The following TNIK variants were observed in gnomAD, a reference collection of about 807,000 sequenced individuals.
TNIK encodes TRAF2 and NCK-interacting protein kinase.
Under a neutral mutation model 191.3 loss-of-function variants are expected in TNIK, and 49 were observed. The observed-to-expected ratio is 0.26, with a 90% confidence interval of 0.20 to 0.32. TNIK has a LOEUF of 0.32. Among genes scored for constraint, TNIK ranks in the 10% least tolerant of loss-of-function variants. TNIK has a pLI of 1.00. For missense variants in TNIK, 1,155 were observed against 1,702.3 expected (o/e 0.68, Z 5.66); for synonymous variants, 594 against 600.9 (o/e 0.99, Z 0.17).
rs1722197532 is a variant in TNIK, at chr3:171,092,443, T to G, written c.2721+1396A>C. ...GAAATCGGAGTCCTTTTATCTGGAG[T>G]CAAACAGCAACTCACTCCAGAACGT... On this transcript the variant is annotated intron_variant, in intron 23 of 32. Coordinates refer to ENST00000436636, the MANE Select transcript of TNIK (RefSeq NM_015028.4). Among the ~76,000 whole-genome samples, 4 of 152,050 alleles carry G rather than the reference T, an allele frequency of 2.6e-5. No homozygotes were observed. In the South Asian group the frequency reaches 6.2e-4, roughly 24 times the overall value.
chr3:171,290,221 C>G (rs1751531838), intron 2 of TNIK, among the ~76,000 whole-genome samples: 1 of 152,136 alleles, frequency 6.6e-6, no homozygotes, highest in Admixed American at 6.5e-5. Context: ...TCAAAAATAC[C>G]TATGGTTGAA....
intron 2 of TNIK, among the ~76,000 whole-genome samples, chr3:171,299,113 G>A (rs1752624735): frequency 6.6e-6 from 1 of 152,140 alleles, no homozygotes; most frequent in South Asian, 2.1e-4. Context: ...AGATTTTGTG[G>A]GAGACTGCAC....
intron 9 of TNIK, among the ~76,000 whole-genome samples, chr3:171,172,079 A>G (rs1023978817): frequency 6.6e-6 from 1 of 152,198 alleles, no homozygotes; most frequent in African/African-American, 2.4e-5. Context: ...CTCCACGATG[A>G]CAGTGGAAAG....
At chr3:171,081,070 G>C (rs1560081638) in intron 27 of TNIK, among the ~76,000 whole-genome samples, 1 of 152,184 alleles carries the variant, frequency 6.6e-6, no homozygotes, top group Non-Finnish European at 1.5e-5. Context: ...TGAATTTTCT[G>C]GTTGCATTCC....
chr3:171,106,584 G>A, intron 21 of TNIK: 1 of 478,724 alleles, frequency 2.1e-6, no homozygotes, highest in South Asian at 1.6e-5. Flanking sequence ...TAGCAGTAAG[G>A]CAGTCATCCT....
At chr3:171,314,581 G>A (rs1754395261) in intron 2 of TNIK, among the ~76,000 whole-genome samples, 1 of 152,170 alleles carries the variant, frequency 6.6e-6, no homozygotes, top group South Asian at 2.1e-4. Context: ...GCCTAAGTCA[G>A]TTCTAGTAAT....
At chr3:171,231,951 A>G (rs1053872335) in intron 2 of TNIK, among the ~76,000 whole-genome samples, 2 of 152,198 alleles carry the variant, frequency 1.3e-5, no homozygotes, top group African/African-American at 4.8e-5. Flanking sequence ...TTTTAAAATA[A>G]TTTTTAAAAC....
chr3:171,087,483 A>G lies in TNIK; in HGVS notation c.2745T>C (p.Ser915=). The change falls in exon 24 of 33, where the codon TCT becomes TCC. Residue 915 remains serine, a synonymous_variant. Transcript: ENST00000436636. The part of the protein sequence containing the change: ...IRETSGEKKR[S]GHSDSNGFAG... ...CAAAGCCATTGCTGTCACTGTGGCC[A>G]GATCGCTTCTTCTCTCCAGACGTCT... 1 of 1,613,872 alleles carries G rather than the reference A, an allele frequency of 6.2e-7. No individual in the cohort carries two copies. The highest frequency in any genetic ancestry group is 1.1e-5 in the South Asian group (1 of 91,084).
chr3:171,361,001 A>T lies in TNIK; in HGVS notation c.123+8619T>A, dbSNP rs897852840. On this transcript the variant is annotated intron_variant, in intron 2 of 32. Coordinates refer to ENST00000436636, the MANE Select transcript of TNIK (RefSeq NM_015028.4). Reference sequence around the variant, plus strand: ...AATGCCAGGCAGTTGTTAGATACTTATGAAGGCTGACACTGAATAAATAAA... The same window carrying T: ...AATGCCAGGCAGTTGTTAGATACTTTTGAAGGCTGACACTGAATAAATAAA... Among the ~76,000 whole-genome samples, 64 of 152,364 alleles carry T rather than the reference A, an allele frequency of 4.2e-4. 1 individual carries two copies. Among genetic ancestry groups the T allele is most frequent in the African/African-American group, 1.4e-3 (58 of 41,584 alleles).
chr3:171,217,115 A>G (rs1741544524), intron 3 of TNIK, among the ~76,000 whole-genome samples: 1 of 152,146 alleles, frequency 6.6e-6, no homozygotes, highest in Admixed American at 6.6e-5. Flanking sequence ...TCACCGCAGC[A>G]CTATTCACAA....
At chr3:171,401,027 G>C (rs1720886678) in intron 1 of TNIK, among the ~76,000 whole-genome samples, 1 of 152,174 alleles carries the variant, frequency 6.6e-6, no homozygotes, top group South Asian at 2.1e-4. Context: ...CACATATCTA[G>C]TTGGAAGCTA....
At chr3:171,426,341 T>G (rs1279950290) in intron 1 of TNIK, among the ~76,000 whole-genome samples, 2 of 134,630 alleles carry the variant, frequency 1.5e-5, no homozygotes, top group African/African-American at 2.8e-5. Flanking sequence ...CACTCATAGG[T>G]GGGAATTGAA....
intron 2 of TNIK, chr3:171,347,262 C>G: frequency 1.3e-6 from 2 of 1,519,188 alleles, no homozygotes; most frequent in Non-Finnish European, 8.8e-7. Context: ...AAAACCCTAG[C>G]TCAGGCACCA....
At chr3:171,125,769 A>G in intron 17 of TNIK, 143 bp downstream of exon 17, 1 of 1,249,146 alleles carries the variant, frequency 8.0e-7, no homozygotes, top group Non-Finnish European at 1.1e-6. Context: ...TAGCCAGGGA[A>G]TGAAGAGGGA....
chr3:171,165,731 C>T (rs184355880), intron 10 of TNIK, among the ~76,000 whole-genome samples: 1 of 152,282 alleles, frequency 6.6e-6, no homozygotes, highest in East Asian at 1.9e-4. Flanking sequence ...GCCTCCCCTC[C>T]CATCCTCAGT....
At chr3:171,252,081 C>CGT (rs1056985992) in intron 2 of TNIK, among the ~76,000 whole-genome samples, 3 of 150,346 alleles carry the variant, frequency 2.0e-5, no homozygotes, top group South Asian at 2.1e-4. Context: ...TGTGTGTGTG[C>CGT]GTGTGTGTGT....
At chr3:171,205,283 G>A (rs145542813) in intron 4 of TNIK, among the ~76,000 whole-genome samples, 8 of 152,246 alleles carry the variant, frequency 5.3e-5, no homozygotes, top group East Asian at 1.9e-4. Flanking sequence ...AAGAAATGAC[G>A]CTCTTGCCCT....
At chr3:171,123,957 A>ATCTTT in intron 17 of TNIK, among the ~76,000 whole-genome samples, 1 of 152,356 alleles carries the variant, frequency 6.6e-6, no homozygotes, top group East Asian at 1.9e-4. Context: ...AACAAATTTA[A>ATCTTT]AGATAGGTAA....
chr3:171,179,141 C>T (rs1736331044), intron 7 of TNIK, among the ~76,000 whole-genome samples: 3 of 152,198 alleles, frequency 2.0e-5, no homozygotes, highest in Non-Finnish European at 4.4e-5. Context: ...CTGGGAATAG[C>T]AATGCACCTT....
Sources: allele counts gnomAD v4.1 joint callset (sites outside exome capture counted in the v4.1 genomes callset), GRCh38; gene constraint gnomAD v4.1.1; transcripts MANE v1.5; gene names NCBI Gene and HGNC (gene_info 2026-07-23, HGNC 2026-07-21).